KIAA1217: variants seen among roughly 807,000 people sequenced by gnomAD.
KIAA1217 encodes the protein KIAA1217.
Under a neutral mutation model 163.9 loss-of-function variants are expected in KIAA1217, and 88 were observed. The observed-to-expected ratio is 0.54, with a 90% confidence interval of 0.45 to 0.64. The LOEUF is 0.64. KIAA1217 is among the 30% of genes least tolerant of loss of function. KIAA1217 has a pLI of 0.00. For missense variants in KIAA1217, 2,372 were observed against 2,475.0 expected, an observed-to-expected ratio of 0.96 and a Z score of 0.88; for synonymous variants, 903 against 923.1, an observed-to-expected ratio of 0.98 and a Z score of 0.39.
chr10:24,105,031 T>A (rs2062568293), intron 2 of KIAA1217, among the ~76,000 whole-genome samples: 1 of 151,980 alleles, frequency 6.6e-6, no homozygotes, highest in Non-Finnish European at 1.5e-5. Context: ...AAAGAAAATG[T>A]TCAAAATGAT....
chr10:24,214,270 C>T (rs2068529228), intron 1 of KIAA1217, among the ~76,000 whole-genome samples: 1 of 152,168 alleles, frequency 6.6e-6, no homozygotes, highest in African/African-American at 2.4e-5. Flanking sequence ...TTGTTGTAAC[C>T]ACCCTCTAAT....
chr10:24,402,516 CAAA>C (rs372012492), intron 3 of KIAA1217, among the ~76,000 whole-genome samples: 2 of 93,004 alleles, frequency 2.2e-5, no homozygotes, highest in African/African-American at 8.7e-5. Flanking sequence ...CTCAAAAAAA[CAAA>C]AAACAAAACA....
intron 2 of KIAA1217, among the ~76,000 whole-genome samples, chr10:24,065,477 T>A (rs1490960071): frequency 6.6e-6 from 1 of 152,232 alleles, no homozygotes; most frequent in African/African-American, 2.4e-5. Flanking sequence ...TACTCCTGAG[T>A]TCTAGTTTGA....
At chr10:24,429,985 AT>A (rs1315615648) in intron 3 of KIAA1217, among the ~76,000 whole-genome samples, 7 of 152,238 alleles carry the variant, frequency 4.6e-5, no homozygotes, top group Non-Finnish European at 8.8e-5. Context: ...ACTAAAAAAA[AT>A]ATACAAAAAA....
At position 24,385,234 on chromosome 10, in the gene KIAA1217, G is replaced by A. The variant is rs1435360915; in HGVS notation, c.553+4167G>A. On this transcript the variant is annotated intron_variant, in intron 3 of 20. Transcript: ENST00000376454. ...TCTGCCTGTGCCTGGAGATAAACCT[G>A]CCTGCCTCTTAGTTTCTCCACTTGA... is the stretch of plus-strand genomic sequence containing the variant. Among the ~76,000 whole-genome samples the A allele has an allele frequency of 2.6e-5, 4 of 152,236 alleles. No homozygotes were observed. In the East Asian group the frequency reaches 7.7e-4, roughly 29 times the overall value.
At chr10:23,864,602 C>A (rs904406446) in intron 1 of KIAA1217, among the ~76,000 whole-genome samples, 1 of 151,404 alleles carries the variant, frequency 6.6e-6, no homozygotes, top group Non-Finnish European at 1.5e-5. Context: ...CTGAATTTTT[C>A]CCGTATTTGT....
intron 5 of KIAA1217, among the ~76,000 whole-genome samples, chr10:24,455,979 G>A (rs941529503): frequency 2.6e-5 from 4 of 151,936 alleles, no homozygotes; most frequent in African/African-American, 4.8e-5. Context: ...TCCGCCTCCC[G>A]GGCTCAAGAG....
chr10:24,176,799 C>G (rs1014000612), intron 2 of KIAA1217, among the ~76,000 whole-genome samples: 3 of 152,342 alleles, frequency 2.0e-5, no homozygotes, highest in African/African-American at 4.8e-5. Context: ...CGGGGAGGCT[C>G]AAGCCATGCG....
intron 1 of KIAA1217, among the ~76,000 whole-genome samples, chr10:23,834,264 G>A (rs1420706520): frequency 6.6e-6 from 1 of 152,138 alleles, no homozygotes; most frequent in Non-Finnish European, 1.5e-5. Context: ...ACTTAGGAAT[G>A]TTGCCCTTCC....
At chr10:23,871,319 C>G (rs1166716331) in intron 1 of KIAA1217, among the ~76,000 whole-genome samples, 1 of 151,990 alleles carries the variant, frequency 6.6e-6, no homozygotes, top group East Asian at 1.9e-4. Context: ...CTAGTTTCCT[C>G]TACCCTATTT....
chr10:24,136,705 A>G (rs1332701651), intron 2 of KIAA1217, among the ~76,000 whole-genome samples: 1 of 152,204 alleles, frequency 6.6e-6, no homozygotes, highest in Non-Finnish European at 1.5e-5. Flanking sequence ...TCTCACCTGG[A>G]TATTTACAAG....
chr10:23,967,281 A>T (rs1845101844), intron 1 of KIAA1217, among the ~76,000 whole-genome samples: 1 of 152,110 alleles, frequency 6.6e-6, no homozygotes, highest in South Asian at 2.1e-4. Context: ...CTATAAACAA[A>T]CCTAAGAAAA....
At chr10:24,172,968 C>T (rs907298912) in intron 2 of KIAA1217, among the ~76,000 whole-genome samples, 1 of 152,216 alleles carries the variant, frequency 6.6e-6, no homozygotes, top group African/African-American at 2.4e-5. Flanking sequence ...GCATAGTACC[C>T]TAAGCAGGGG....
intron 2 of KIAA1217, among the ~76,000 whole-genome samples, chr10:24,275,343 G>A (rs1273360557): frequency 2.0e-5 from 3 of 152,070 alleles, no homozygotes; most frequent in African/African-American, 7.2e-5. Flanking sequence ...TGCACACACA[G>A]ACACAAAAAG....
chr10:23,879,904 G>A (rs1259415297), intron 1 of KIAA1217, among the ~76,000 whole-genome samples: 1 of 151,886 alleles, frequency 6.6e-6, no homozygotes, highest in South Asian at 2.1e-4. Flanking sequence ...TGCAGTGGAG[G>A]CTTTAATTTG....
intron 2 of KIAA1217, among the ~76,000 whole-genome samples, chr10:24,163,366 C>T (rs1341221514): frequency 6.6e-6 from 1 of 152,250 alleles, no homozygotes; most frequent in Non-Finnish European, 1.5e-5. Context: ...TCATTAATGG[C>T]CTCAAGGATG....
At chr10:24,001,449 A>G (rs559946833) in intron 1 of KIAA1217, among the ~76,000 whole-genome samples, 1 of 152,380 alleles carries the variant, frequency 6.6e-6, no homozygotes, top group East Asian at 1.9e-4. Context: ...TTTAAGTGAC[A>G]TAAGATATGC....
chr10:24,098,349 A>G (rs1468148162), intron 2 of KIAA1217, among the ~76,000 whole-genome samples: 2 of 152,116 alleles, frequency 1.3e-5, no homozygotes, highest in Admixed American at 6.5e-5. Flanking sequence ...GCTTTAGACT[A>G]CAAAGTATAG....
upstream of KIAA1217, chr10:24,209,071 TG>T: frequency 2.8e-6 from 2 of 716,542 alleles, no homozygotes; most frequent in Non-Finnish European, 4.8e-6. Flanking sequence ...TAGTTTGGGG[TG>T]GGGTTTCGCA....
Sources: gnomAD v4.1 joint callset for allele counts (sites outside exome capture counted in the v4.1 genomes callset) on GRCh38, gnomAD v4.1.1 for gene constraint, MANE v1.5 for transcripts, NCBI Gene and HGNC (gene_info 2026-07-23, HGNC 2026-07-21) for gene names.